PTBP3: variants seen among roughly 807,000 people sequenced by gnomAD.
PTBP3 encodes polypyrimidine tract-binding protein 3.
A neutral mutation model predicts 58.7 loss-of-function variants in PTBP3; 20 were observed. That is an observed-to-expected ratio of 0.34 (90% CI 0.24 to 0.50). PTBP3 has a LOEUF of 0.50. PTBP3 is among the 20% of genes least tolerant of loss of function. The pLI, the probability that PTBP3 is intolerant of heterozygous loss-of-function variation, is 0.98. For synonymous variants in PTBP3, 185 were observed against 219.8 expected (o/e 0.84, Z 1.40); for missense variants, 509 against 637.2 (o/e 0.80, Z 2.17).
At chr9:112,229,748 T>C (rs1835129071) in intron 10 of PTBP3, among the ~76,000 whole-genome samples, 1 of 152,166 alleles carries the variant, frequency 6.6e-6, no homozygotes, top group African/African-American at 2.4e-5. Context: ...GGTGTTTATT[T>C]TTTGTAGAGA....
chr9:112,362,331 C>T, the PTBP3 span, among the ~76,000 whole-genome samples: 8 of 152,124 alleles, frequency 5.3e-5, no homozygotes. Context: ...CTATTCAAAT[C>T]GTTGCCCATT....
the PTBP3 span, among the ~76,000 whole-genome samples, chr9:112,345,341 TAAAAAAAAAAAAAAA>T: frequency 0.01 from 647 of 63,710 alleles, 14 homozygotes; most frequent in African/African-American, 0.034. Flanking sequence ...CCCTCATCTC[TAAAAAAAAAAAAAAA>T]AAAAAAAAAA....
At chr9:112,362,215 G>A in the PTBP3 span, among the ~76,000 whole-genome samples, 1 of 152,174 alleles carries the variant, frequency 6.6e-6, no homozygotes, top group East Asian at 1.9e-4. Flanking sequence ...TCAGGAGGCT[G>A]AGAGGGGAGG....
chr9:112,251,889 A>G (rs1836134997), intron 6 of PTBP3, among the ~76,000 whole-genome samples: 2 of 152,198 alleles, frequency 1.3e-5, no homozygotes, highest in Admixed American at 6.5e-5. Context: ...TTCAGGGTAC[A>G]GCAAATATAA....
chr9:112,287,309 T>C (rs926385379), intron 2 of PTBP3, among the ~76,000 whole-genome samples: 10 of 150,032 alleles, frequency 6.7e-5, no homozygotes, highest in Non-Finnish European at 1.2e-4. Context: ...CAGAAGTTAC[T>C]AAGGCTCTGT....
At chr9:112,330,561 A>G (rs1478553876) in intron 1 of PTBP3, 1 of 838,350 alleles carries the variant, frequency 1.2e-6, no homozygotes, top group Non-Finnish European at 1.9e-6. Context: ...ATAAAGGGGA[A>G]AAAGCATTAT....
Position 112,223,449 on chromosome 9 carries a change from A to G in PTBP3, c.*402T>C. 2.2e-6 allele frequency: 2 copies of G among 914,994 alleles called. No individual in the cohort carries two copies. The highest frequency in any genetic ancestry group is 2.6e-6 in the Non-Finnish European group (2 of 762,872). The allele number at this position is 914,994 out of a possible 1,614,324, so 56.7% of individuals were successfully genotyped here. On this transcript the variant is annotated 3_prime_UTR_variant, in exon 14 of 14. Transcript: ENST00000374257. ...TAAGTGATTTAAATTACTTACATCAAGTAATTTTAGAAGTCTGTGTTTAAA... is the reference window on the plus strand; with the variant it reads ...TAAGTGATTTAAATTACTTACATCAGGTAATTTTAGAAGTCTGTGTTTAAA...
intron 2 of PTBP3, among the ~76,000 whole-genome samples, chr9:112,293,494 C>G (rs1211813893): frequency 2.6e-5 from 4 of 152,192 alleles, no homozygotes; most frequent in Non-Finnish European, 5.9e-5. Context: ...TATTCTCCTT[C>G]CCTTGTAAAG....
At chr9:112,291,022 GACCAGCCTGGCC>G (rs2132282331) in intron 2 of PTBP3, among the ~76,000 whole-genome samples, 1 of 152,190 alleles carries the variant, frequency 6.6e-6, no homozygotes, top group Admixed American at 6.5e-5. Context: ...AGGAGTTTGA[GACCAGCCTGGCC>G]AACAAGGTGA....
chr9:112,373,114 T>C, the PTBP3 span, among the ~76,000 whole-genome samples: 1 of 152,072 alleles, frequency 6.6e-6, no homozygotes, highest in South Asian at 2.1e-4. Context: ...GCCAGGATGG[T>C]CTCGATCTCC....
At chr9:112,372,254 T>C in the PTBP3 span, among the ~76,000 whole-genome samples, 1 of 152,020 alleles carries the variant, frequency 6.6e-6, no homozygotes, top group South Asian at 2.1e-4. Context: ...TTAAAAGAAT[T>C]TTTTTTGTAG....
chr9:112,231,180 G>A (rs557686242), intron 10 of PTBP3, among the ~76,000 whole-genome samples, 200 bp downstream of exon 10: 2 of 150,066 alleles, frequency 1.3e-5, no homozygotes, highest in African/African-American at 2.5e-5. Context: ...GTCTCCCTGC[G>A]TTACACTCCC....
chr9:112,333,402 C>A, intron 1 of PTBP3, 68 bp downstream of exon 1: 2 of 1,539,398 alleles, frequency 1.3e-6, no homozygotes, highest in Non-Finnish European at 1.8e-6. Context: ...CTTACGCGTC[C>A]CGCGGAGAGC....
At chr9:112,241,686 G>A (rs983586986) in intron 7 of PTBP3, among the ~76,000 whole-genome samples, 7 of 152,108 alleles carry the variant, frequency 4.6e-5, no homozygotes, top group Admixed American at 2.6e-4. Flanking sequence ...TTCTCAGAAC[G>A]TATCCCTGTG....
chr9:112,292,975 C>A (rs1828511827), intron 2 of PTBP3, among the ~76,000 whole-genome samples: 1 of 152,028 alleles, frequency 6.6e-6, no homozygotes, highest in South Asian at 2.1e-4. Flanking sequence ...AGGGAATATT[C>A]ATAGCAACAC....
chr9:112,363,762 TGA>T, the PTBP3 span, among the ~76,000 whole-genome samples: 1 of 152,180 alleles, frequency 6.6e-6, no homozygotes, highest in African/African-American at 2.4e-5. Context: ...CAAAAAGTAC[TGA>T]GAGTTTCCAC....
intron 4 of PTBP3, among the ~76,000 whole-genome samples, chr9:112,264,984 A>G (rs915916029): frequency 2.0e-5 from 3 of 152,228 alleles, no homozygotes; most frequent in African/African-American, 7.2e-5. Context: ...AAAAGAAAAC[A>G]AACAAAATAT....
chr9:112,367,138 A>G, the PTBP3 span, among the ~76,000 whole-genome samples: 1 of 152,166 alleles, frequency 6.6e-6, no homozygotes, highest in African/African-American at 2.4e-5. Context: ...TTCTTCCCAC[A>G]TTTTATGTTA....
At chr9:112,304,984 T>C (rs1296977219) in intron 1 of PTBP3, among the ~76,000 whole-genome samples, 1 of 152,192 alleles carries the variant, frequency 6.6e-6, no homozygotes, top group Non-Finnish European at 1.5e-5. Flanking sequence ...TTTTCTTTTT[T>C]GAGGAAAAGA....
Sources: gnomAD v4.1 joint callset for allele counts (sites outside exome capture counted in the v4.1 genomes callset) on GRCh38, gnomAD v4.1.1 for gene constraint, MANE v1.5 for transcripts, NCBI Gene and HGNC (gene_info 2026-07-23, HGNC 2026-07-21) for gene names.